Variants in HK2 observed in about 807,000 individuals in gnomAD.
HK2 encodes hexokinase 2.
Under a neutral mutation model 92.9 loss-of-function variants are expected in HK2, and 42 were observed. The ratio of observed to expected loss-of-function variants is 0.45; its 90% CI spans 0.35 to 0.58. HK2 has a LOEUF of 0.58. HK2 is among the 20% of genes least tolerant of loss of function. The pLI is 0.00. For missense variants in HK2, 978 were observed against 1,245.1 expected (o/e 0.79, Z 3.23); for synonymous variants, 422 against 468.0 (o/e 0.90, Z 1.27).
rs143863592 is a variant in HK2 at position 74,867,703 on chromosome 2, G to C, written c.294G>C (p.Thr98=). 2 of 1,614,090 alleles carry C rather than the reference G, an allele frequency of 1.2e-6. No homozygotes were observed. The highest frequency in any genetic ancestry group is 1.7e-5 in the Admixed American group (1 of 60,026). ...TCCGTGTGCTTTGGGTGAAAGTAAC[G>C]GACAATGGGCTCCAGAAGGTGGAGA... The part of the protein sequence containing the change: ...TNFRVLWVKV[T]DNGLQKVEME... The change falls in exon 3 of 18, where the codon ACG becomes ACC. Residue 98 remains threonine, a synonymous_variant. Coordinates refer to ENST00000290573, the MANE Select transcript of HK2 (RefSeq NM_000189.5).
chr2:74,838,662 C>T lies in HK2; in HGVS notation c.63+4019C>T, dbSNP rs192812987. On this transcript the variant is annotated intron_variant, in intron 1 of 17. Coordinates refer to ENST00000290573, the MANE Select transcript of HK2 (RefSeq NM_000189.5). ...CACGCCATTCTCCTGCCTCAGCCTC[C>T]CGAGTAGCTGGGACTACAGGCGCCT... is the stretch of plus-strand genomic sequence containing the variant. Among the ~76,000 whole-genome samples, 52 of 152,076 alleles carry T rather than the reference C, an allele frequency of 3.4e-4. 1 individual carries two copies. The East Asian group carries it at 9.9e-3, about 29-fold the overall frequency.
At chr2:74,887,788 G>T in intron 15 of HK2, 115 bp from the exon 16 acceptor site, 1 of 901,318 alleles carries the variant, frequency 1.1e-6, no homozygotes, top group African/African-American at 1.6e-5. Context: ...CCCATCAGGG[G>T]AGTCTGCCTG....
In HK2 at chr2:74,882,154, T is replaced by TA; in HGVS notation, c.1754_1755insA (p.Phe585LeufsTer64). 1 of 1,614,218 alleles carries TA rather than the reference T, an allele frequency of 6.2e-7. No individual in the cohort carries two copies. Among genetic ancestry groups the TA allele is most frequent in the Non-Finnish European group, 8.5e-7 (1 of 1,180,034 alleles). ...CACATTGTCCAGTGCATCGCGGACTTCCTCGAGTACATGGGCATGAAGGGC... is the reference window on the plus strand; with the variant it reads ...CACATTGTCCAGTGCATCGCGGACTTACCTCGAGTACATGGGCATGAAGGGC... On this transcript the variant is annotated frameshift_variant, in exon 12 of 18. Coordinates refer to ENST00000290573, the MANE Select transcript of HK2 (RefSeq NM_000189.5). LOFTEE classifies it high-confidence loss of function.
At chr2:74,856,883 T>C (rs1051593890) in intron 2 of HK2, among the ~76,000 whole-genome samples, 2 of 152,238 alleles carry the variant, frequency 1.3e-5, no homozygotes, top group African/African-American at 4.8e-5. Flanking sequence ...ACACTGCAAA[T>C]GCTCAACTAA....
In HK2 at chr2:74,834,245, T is replaced by C. The variant is rs1252589403; in HGVS notation, c.-336T>C. On this transcript the variant is annotated 5_prime_UTR_variant, in exon 1 of 18. Transcript: ENST00000290573. This position sits in a 1 kb window ranked among gnomAD's most constrained non-coding sequence, Gnocchi z 4.2. ...CGCCTGTGAATCGGAGAGGTCCCAC[T>C]GCCCGAGTGGAGCCGGGCTGAGATT... 2 of 426,558 alleles carry C rather than the reference T, an allele frequency of 4.7e-6. No individual in the cohort carries two copies. Among genetic ancestry groups the C allele is most frequent in the East Asian group, 1.0e-4 (2 of 19,610 alleles). The allele number at this position is 426,558 out of a possible 1,614,324, so 26.4% of individuals were successfully genotyped here. A position where few individuals can be genotyped will look rare whatever the true frequency, so the allele number is the denominator to read the frequency against.
chr2:74,850,729 G>A (rs888901849), intron 1 of HK2, among the ~76,000 whole-genome samples: 9 of 152,150 alleles, frequency 5.9e-5, no homozygotes, highest in African/African-American at 1.9e-4. Flanking sequence ...AATCATCTTT[G>A]TATGGTGGCT....
intron 10 of HK2, 75 bp from the exon 11 acceptor site, chr2:74,881,636 A>G (rs910093485): frequency 1.4e-6 from 2 of 1,452,720 alleles, no homozygotes; most frequent in Non-Finnish European, 1.9e-6. Flanking sequence ...GTGTATTTGG[A>G]TCGTTTTAAG....
Position 74,873,322 on chromosome 2 carries a change from A to C in HK2, c.542A>C (p.Glu181Ala). Reference protein sequence around the residue: ...WTKGFKSSGVEGRDVVALIRK... With the variant: ...WTKGFKSSGVAGRDVVALIRK... ...AAGGGATTCAAGTCCAGTGGAGTGGAAGGCAGAGACGTTGTGGCTCTGATC... is the reference window on the plus strand; with the variant it reads ...AAGGGATTCAAGTCCAGTGGAGTGGCAGGCAGAGACGTTGTGGCTCTGATC... Residue 181 changes from glutamate (E) to alanine (A), a missense_variant, in exon 5 of 18, where the codon GAA (glutamate) becomes GCA (alanine). Physicochemically the swap from Glu to Ala is moderately radical, Grantham distance 107. This residue lies in a region of HK2 where 189 missense variants were observed against 289.5 expected (regional missense o/e 0.65). Transcript: ENST00000290573. The C allele has an allele frequency of 5.6e-6, 9 of 1,614,044 alleles. No homozygotes were observed. Among genetic ancestry groups the C allele is most frequent in the Non-Finnish European group, 7.6e-6 (9 of 1,179,928 alleles).
chr2:74,844,294 T>G (rs1411026437), intron 1 of HK2, among the ~76,000 whole-genome samples: 1 of 152,198 alleles, frequency 6.6e-6, no homozygotes, highest in South Asian at 2.1e-4. Context: ...AGTTTCTTGA[T>G]CCCCATCATG....
chr2:74,852,219 A>T (rs74489985), intron 1 of HK2, among the ~76,000 whole-genome samples: 7,141 of 152,244 alleles, frequency 0.047, 250 homozygotes, highest in East Asian at 0.2. Flanking sequence ...CTTTTCCTGG[A>T]TGTGGCCTCG....
At chr2:74,881,161 C>T (rs1689381699) in intron 10 of HK2, among the ~76,000 whole-genome samples, 1 of 152,244 alleles carries the variant, frequency 6.6e-6, no homozygotes, top group Non-Finnish European at 1.5e-5. Flanking sequence ...GCAAAGACTG[C>T]ATGACCCACA....
At chr2:74,873,197 A>C in intron 4 of HK2, 79 bp from the exon 5 acceptor site, 1 of 1,019,562 alleles carries the variant, frequency 9.8e-7, no homozygotes, top group Non-Finnish European at 1.6e-6. Flanking sequence ...GGTCTCTGCT[A>C]ATGACGGAGG....
At chr2:74,841,863 G>T (rs1688322926) in intron 1 of HK2, among the ~76,000 whole-genome samples, 1 of 152,246 alleles carries the variant, frequency 6.6e-6, no homozygotes, top group African/African-American at 2.4e-5. Flanking sequence ...AGACAGGCAT[G>T]TGAGCTGGTG....
At chr2:74,873,724 G>A in intron 5 of HK2, 120 bp from the exon 6 acceptor site, 2 of 720,944 alleles carry the variant, frequency 2.8e-6, no homozygotes, top group Middle Eastern at 3.2e-4. Context: ...GAGTTATGGG[G>A]AGGGAGGGGG....
intron 13 of HK2, 28 bp from the exon 14 acceptor site, chr2:74,886,266 A>T (rs367971243): frequency 6.7e-5 from 104 of 1,557,096 alleles, no homozygotes; most frequent in Admixed American, 1.7e-5. Flanking sequence ...TTCACCTGTG[A>T]ACTGGGCATC....
intron 1 of HK2, among the ~76,000 whole-genome samples, chr2:74,846,361 G>A (rs1216626694): frequency 6.6e-6 from 1 of 152,070 alleles, no homozygotes; most frequent in Non-Finnish European, 1.5e-5. Flanking sequence ...AATGCACATG[G>A]GAAACTGAAA....
intron 2 of HK2, among the ~76,000 whole-genome samples, chr2:74,857,893 G>T (rs1688730473): frequency 6.6e-6 from 1 of 152,194 alleles, no homozygotes; most frequent in Non-Finnish European, 1.5e-5. Flanking sequence ...CACAGCCTGG[G>T]TGCCTGCCGC....
intron 17 of HK2, among the ~76,000 whole-genome samples, chr2:74,890,322 T>A (rs1173595908): frequency 3.9e-5 from 6 of 152,232 alleles, no homozygotes; most frequent in African/African-American, 1.4e-4. Flanking sequence ...TAAGTCTGCT[T>A]CTTTTGCCTC....
chr2:74,836,231 G>T (rs1291805383), intron 1 of HK2, among the ~76,000 whole-genome samples: 1 of 152,146 alleles, frequency 6.6e-6, no homozygotes, highest in Admixed American at 6.6e-5. Context: ...TCTCCTTTGG[G>T]TATTACCCCA....
Sources: gnomAD v4.1 joint callset for allele counts (sites outside exome capture counted in the v4.1 genomes callset) on GRCh38, gnomAD v4.1.1 for gene constraint, gnomAD v4.1.1 regional missense constraint, Gnocchi (gnomAD v3.1) non-coding constraint, MANE v1.5 for transcripts, NCBI Gene and HGNC (gene_info 2026-07-23, HGNC 2026-07-21) for gene names.